Variants in LYRM4 observed in about 807,000 individuals in gnomAD.
The protein encoded by LYRM4 is LYR motif containing 4.
In LYRM4, 9 loss-of-function variants were observed where a neutral mutation model predicts 11.7. The ratio of observed to expected loss-of-function variants is 0.77; its 90% CI spans 0.46 to 1.34. LYRM4 has a LOEUF of 1.34. Ranked by LOEUF, LYRM4 falls within the 40% of genes most tolerant of loss-of-function variation. The pLI, the probability that LYRM4 is intolerant of heterozygous loss-of-function variation, is 0.00. For synonymous variants in LYRM4, 42 were observed against 40.4 expected, an observed-to-expected ratio of 1.04 and a Z score of -0.15; for missense variants, 133 against 112.5, an observed-to-expected ratio of 1.18 and a Z score of -0.82.
intron 2 of LYRM4, among the ~76,000 whole-genome samples, chr6:5,208,508 A>T (rs12206736): frequency 0.71 from 108,235 of 152,186 alleles, 38,721 homozygotes; most frequent in South Asian, 0.81. Context: ...GCTGCCTTTT[A>T]TGGGAGCACT....
At chr6:5,187,854 G>T (rs1760509810) in intron 2 of LYRM4, among the ~76,000 whole-genome samples, 1 of 152,120 alleles carries the variant, frequency 6.6e-6, no homozygotes, top group African/African-American at 2.4e-5. Context: ...AGCTGTAAGG[G>T]AGTATTTATG....
At chr6:5,149,817 C>T (rs1347754706) in intron 2 of LYRM4, among the ~76,000 whole-genome samples, 3 of 152,210 alleles carry the variant, frequency 2.0e-5, no homozygotes, top group Admixed American at 2.0e-4. Context: ...CACATGGACA[C>T]ACATATGCAC....
intron 2 of LYRM4, among the ~76,000 whole-genome samples, chr6:5,205,745 A>T (rs955433604): frequency 1.3e-5 from 2 of 152,218 alleles, no homozygotes; most frequent in Non-Finnish European, 2.9e-5. Context: ...TATTTTTACC[A>T]GCTCCCCCTT....
At chr6:5,085,369 G>A in the LYRM4 span, 1 of 731,684 alleles carries the variant, frequency 1.4e-6, no homozygotes, top group Non-Finnish European at 2.2e-6. Flanking sequence ...GGGGCGACTC[G>A]CCTCGGGGAG....
chr6:5,067,066 T>G, the LYRM4 span: 3 of 338,978 alleles, frequency 8.9e-6, no homozygotes, highest in Non-Finnish European at 1.6e-5. Flanking sequence ...ATTATATCAT[T>G]GAAACATACA....
At chr6:5,038,009 C>T in the LYRM4 span, among the ~76,000 whole-genome samples, 2 of 55,820 alleles carry the variant, frequency 3.6e-5, 1 homozygote, top group African/African-American at 9.7e-5. Flanking sequence ...ACTTCCCAGA[C>T]GGGGTGGCTG....
chr6:5,076,719 G>C, the LYRM4 span, among the ~76,000 whole-genome samples: 3 of 152,294 alleles, frequency 2.0e-5, no homozygotes, highest in East Asian at 5.8e-4. Context: ...GCATTCTGAG[G>C]GTGGGGATCA....
chr6:5,078,560 T>G, the LYRM4 span, among the ~76,000 whole-genome samples: 1 of 152,214 alleles, frequency 6.6e-6, no homozygotes, highest in Non-Finnish European at 1.5e-5. Flanking sequence ...ATTGGCTAAA[T>G]GGCTTCGGTT....
intron 2 of LYRM4, among the ~76,000 whole-genome samples, chr6:5,119,524 C>A (rs903096464): frequency 2.0e-5 from 3 of 152,252 alleles, no homozygotes; most frequent in African/African-American, 7.2e-5. Context: ...TGGTGTCTCA[C>A]ACCTGTGATC....
chr6:5,181,658 C>A (rs535466456), intron 2 of LYRM4, among the ~76,000 whole-genome samples: 1 of 152,248 alleles, frequency 6.6e-6, no homozygotes, highest in South Asian at 2.1e-4. Context: ...TTCTTTCCCA[C>A]GGGCCATGCT....
intron 2 of LYRM4, among the ~76,000 whole-genome samples, chr6:5,141,696 C>T (rs966950008): frequency 6.6e-5 from 10 of 152,138 alleles, no homozygotes; most frequent in African/African-American, 2.4e-4. Flanking sequence ...GAGGTCAGAG[C>T]TGGAAGGGAT....
At chr6:5,195,759 T>C (rs1761016674) in intron 2 of LYRM4, among the ~76,000 whole-genome samples, 1 of 152,176 alleles carries the variant, frequency 6.6e-6, no homozygotes, top group Non-Finnish European at 1.5e-5. Flanking sequence ...AAATGGCTCC[T>C]TCAGGTGCTC....
chr6:5,206,457 C>T (rs1424262106), intron 2 of LYRM4, among the ~76,000 whole-genome samples: 1 of 152,174 alleles, frequency 6.6e-6, no homozygotes, highest in Non-Finnish European at 1.5e-5. Flanking sequence ...ATGAAAGAAA[C>T]CCCAAGGATC....
intron 2 of LYRM4, among the ~76,000 whole-genome samples, chr6:5,121,313 T>C (rs1043063400): frequency 2.0e-5 from 3 of 152,178 alleles, no homozygotes; most frequent in Admixed American, 1.3e-4. Flanking sequence ...TATCTTCCTG[T>C]CTTCTATATG....
At chr6:5,144,860 G>T (rs767807241) in intron 2 of LYRM4, among the ~76,000 whole-genome samples, 1 of 152,122 alleles carries the variant, frequency 6.6e-6, no homozygotes, top group Admixed American at 6.5e-5. Flanking sequence ...GCGAGGCCAC[G>T]CTGGGTGACC....
intron 2 of LYRM4, among the ~76,000 whole-genome samples, chr6:5,172,788 G>A (rs1759507653): frequency 6.6e-6 from 1 of 152,144 alleles, no homozygotes. Context: ...ATTCCTTGAT[G>A]ATTTTCAGAA....
At chr6:5,215,122 G>A (rs1442756287) in intron 2 of LYRM4, among the ~76,000 whole-genome samples, 1 of 152,052 alleles carries the variant, frequency 6.6e-6, no homozygotes, top group African/African-American at 2.4e-5. Flanking sequence ...AGAAATGATG[G>A]CACAGATTAT....
intron 1 of LYRM4, among the ~76,000 whole-genome samples, chr6:5,244,805 G>A (rs1318569165): frequency 6.6e-6 from 1 of 151,806 alleles, no homozygotes; most frequent in Non-Finnish European, 1.5e-5. Flanking sequence ...TGCGCTGACT[G>A]TGGGCTGTGG....
chr6:5,240,106 C>CA (rs971729916), intron 1 of LYRM4, among the ~76,000 whole-genome samples: 3 of 152,294 alleles, frequency 2.0e-5, no homozygotes, highest in Non-Finnish European at 4.4e-5. Context: ...CCTTTCAGTA[C>CA]TCCACCTAGC....
Sources: allele counts gnomAD v4.1 joint callset (sites outside exome capture counted in the v4.1 genomes callset), GRCh38; gene constraint gnomAD v4.1.1; transcripts MANE v1.5; gene names NCBI Gene and HGNC (gene_info 2026-07-23, HGNC 2026-07-21).